The following ELMOD3 variants were observed in gnomAD, a reference collection of about 807,000 sequenced individuals.
ELMOD3 encodes the protein ELMO domain-containing protein 3.
Under a neutral mutation model 47.4 loss-of-function variants are expected in ELMOD3, and 36 were observed. The ratio of observed to expected loss-of-function variants is 0.76; its 90% CI spans 0.58 to 1.00. ELMOD3 has a LOEUF of 1.00. Among genes scored for constraint, ELMOD3 ranks in the 50% least tolerant of loss-of-function variants. The pLI, the probability that ELMOD3 is intolerant of heterozygous loss-of-function variation, is 0.00. For synonymous variants in ELMOD3, 149 were observed against 183.5 expected (o/e 0.81, Z 1.52); for missense variants, 404 against 463.8 (o/e 0.87, Z 1.18).
At chr2:85,359,464 A>G (rs1173787575) in intron 4 of ELMOD3, among the ~76,000 whole-genome samples, 1 of 148,060 alleles carries the variant, frequency 6.8e-6, no homozygotes, top group Non-Finnish European at 1.5e-5. Context: ...CTGGAGTGCA[A>G]TGACGCGATC....
In ELMOD3 at chr2:85,389,824, C is replaced by A. The variant is rs1180751091; in HGVS notation, c.812C>A (p.Ser271Tyr). The A allele has an allele frequency of 1.2e-6, 2 of 1,613,220 alleles. No individual in the cohort carries two copies. Among genetic ancestry groups the A allele is most frequent in the African/African-American group, 2.7e-5 (2 of 74,880 alleles). ...AIQALREECL[S>Y]RECNRQQKVI... ...CAGGCCTTGAGAGAGGAGTGTCTCT[C>A]CAGGTGAGTCCCCAAACACCAGCTG... is the stretch of plus-strand genomic sequence containing the variant. The change falls in exon 12 of 14, where the codon TCC (serine) becomes TAC (tyrosine). Residue 271 changes from serine (S) to tyrosine (Y), a missense_variant. Coordinates refer to ENST00000409013, the MANE Select transcript of ELMOD3 (RefSeq NM_001135022.2).
intron 6 of ELMOD3, among the ~76,000 whole-genome samples, chr2:85,367,181 C>G (rs1325426267): frequency 6.6e-6 from 1 of 152,232 alleles, no homozygotes; most frequent in African/African-American, 2.4e-5. Flanking sequence ...CCTCATGTAG[C>G]TCACTGTGGA....
At chr2:85,369,301 A>T (rs1324724552) in intron 7 of ELMOD3, among the ~76,000 whole-genome samples, 2 of 152,326 alleles carry the variant, frequency 1.3e-5, no homozygotes, top group Middle Eastern at 3.4e-3. Flanking sequence ...CTATATTGCT[A>T]ACTAATCAGT....
At chr2:85,389,284 G>A (rs1686149535) in intron 11 of ELMOD3, among the ~76,000 whole-genome samples, 1 of 152,176 alleles carries the variant, frequency 6.6e-6, no homozygotes, top group Non-Finnish European at 1.5e-5. Flanking sequence ...AGGATGAGGT[G>A]CTCACGATCA....
Position 85,371,141 on chromosome 2 carries a change from T to C in ELMOD3, c.416T>C (p.Leu139Pro). ...RTGLAALRHY[L>P]FGPPKLHQRL... ...GGGCTCGCCGCCCTCCGACACTACCTCTTCGGGCCTCCAAAGCTCCACCAG... is the reference window on the plus strand; with the variant it reads ...GGGCTCGCCGCCCTCCGACACTACCCCTTCGGGCCTCCAAAGCTCCACCAG... The change falls in exon 9 of 14, where the codon CTC becomes CCC. Residue 139 changes from leucine to proline, a missense_variant. By Grantham distance (98) the Leu-to-Pro change is moderately conservative (BLOSUM62 -3). Coordinates refer to ENST00000409013, the MANE Select transcript of ELMOD3 (RefSeq NM_001135022.2). 1 of 1,614,196 alleles carries C rather than the reference T, an allele frequency of 6.2e-7. No homozygotes were observed. Among genetic ancestry groups the C allele is most frequent in the Non-Finnish European group, 8.5e-7 (1 of 1,180,016 alleles).
intron 6 of ELMOD3, chr2:85,367,682 C>G (rs994842801): frequency 1.3e-5 from 2 of 152,012 alleles, no homozygotes; most frequent in African/African-American, 4.8e-5. Flanking sequence ...CCTGACTAGC[C>G]TTTAAAAAAA....
rs1402418146 is a variant in ELMOD3, at chr2:85,371,146, G to A, written c.421G>A (p.Gly141Arg). The change falls in exon 9 of 14, where the codon GGG becomes AGG. Residue 141 changes from glycine to arginine, a missense_variant. Gly to Arg is a moderately radical substitution (Grantham distance 125). Coordinates refer to ENST00000409013, the MANE Select transcript of ELMOD3 (RefSeq NM_001135022.2). ...GLAALRHYLF[G>R]PPKLHQRLRE... is the part of the protein sequence containing the mutation. ...CGCCGCCCTCCGACACTACCTCTTCGGGCCTCCAAAGCTCCACCAGCGCCT... is the reference window on the plus strand; with the variant it reads ...CGCCGCCCTCCGACACTACCTCTTCAGGCCTCCAAAGCTCCACCAGCGCCT... 13 of 1,614,200 alleles carry A rather than the reference G, an allele frequency of 8.1e-6. No homozygotes were observed. Among genetic ancestry groups the A allele is most frequent in the South Asian group, 2.2e-5 (2 of 91,090 alleles).
intron 13 of ELMOD3, 196 bp from the exon 14 acceptor site, chr2:85,390,562 TAG>T: frequency 6.4e-7 from 1 of 1,560,100 alleles, no homozygotes; most frequent in East Asian, 2.2e-5. Context: ...GCAGACAAGG[TAG>T]AGTGTGTGGT....
chr2:85,385,870 A>G (rs530996262), intron 11 of ELMOD3, among the ~76,000 whole-genome samples: 10 of 152,192 alleles, frequency 6.6e-5, no homozygotes, highest in East Asian at 3.9e-4. Flanking sequence ...TGGTTTGTCA[A>G]TCTCCCCTTC....
chr2:85,367,523 C>G (rs76132601), intron 6 of ELMOD3: 1 of 152,174 alleles, frequency 6.6e-6, no homozygotes, highest in African/African-American at 2.4e-5. Context: ...CCTCGAGTTA[C>G]ATGAACTTCC....
intron 6 of ELMOD3, among the ~76,000 whole-genome samples, chr2:85,366,539 C>T (rs1249355481): frequency 1.3e-5 from 2 of 152,180 alleles, no homozygotes; most frequent in East Asian, 1.9e-4. Context: ...ATAATAATAG[C>T]TTACATTTGG....
At chr2:85,382,857 A>G (rs758823816) in intron 11 of ELMOD3, among the ~76,000 whole-genome samples, 1 of 151,956 alleles carries the variant, frequency 6.6e-6, no homozygotes, top group South Asian at 2.1e-4. Flanking sequence ...CGGATGTAAT[A>G]ACCTTAATTT....
intron 11 of ELMOD3, among the ~76,000 whole-genome samples, chr2:85,378,272 T>C (rs1035072895): frequency 6.6e-6 from 1 of 152,294 alleles, no homozygotes; most frequent in Non-Finnish European, 1.5e-5. Flanking sequence ...AAGAGGAACG[T>C]CTACTTTACT....
intron 13 of ELMOD3, 150 bp from the exon 14 acceptor site, chr2:85,390,610 C>A: frequency 6.6e-7 from 1 of 1,519,358 alleles, no homozygotes; most frequent in Admixed American, 2.2e-5. Context: ...GCCTACCTCT[C>A]TGGTGATCTC....
intron 4 of ELMOD3, among the ~76,000 whole-genome samples, chr2:85,361,206 G>GT (rs58551694): frequency 6.6e-6 from 1 of 151,872 alleles, no homozygotes; most frequent in East Asian, 1.9e-4. Context: ...ATTTTGGTCG[G>GT]TTTTTTGTTT....
chr2:85,359,405 C>CTTT lies in ELMOD3; in HGVS notation c.54+2171_54+2173dup, dbSNP rs765640567. Among the ~76,000 whole-genome samples the CTTT allele has an allele frequency of 1.2e-3, 125 of 106,956 alleles. 3 individuals are homozygous for CTTT. Among genetic ancestry groups the CTTT allele is most frequent in the African/African-American group, 1.6e-3 (41 of 26,086 alleles). The allele number at this position is 106,956 out of a possible 152,430, so 70.2% of individuals were successfully genotyped here. On this transcript the variant is annotated intron_variant, in intron 4 of 13. Transcript: ENST00000409013. ...TGAAACACAGTAGTTTTACATGACT[C>CTTT]TTTTTTTTTTTTTTTTTTTTGAGAT...
Position 85,371,464 on chromosome 2 carries a change from T to C in ELMOD3, c.509T>C (p.Val170Ala). 1 of 1,614,198 alleles carries C rather than the reference T, an allele frequency of 6.2e-7. No homozygotes were observed. The highest frequency in any genetic ancestry group is 8.5e-7 in the Non-Finnish European group (1 of 1,180,040). ...GGTGGCCTGGATAGCCAAGACCCAG[T>C]GCATGGCCGAGTCCTCCAGACCATC... ...AQCGLDSQDPVHGRVLQTIYK... is the reference protein window; with the variant it reads ...AQCGLDSQDPAHGRVLQTIYK... The change falls in exon 10 of 14, where the codon GTG becomes GCG. Residue 170 changes from valine to alanine, a missense_variant. By Grantham distance (64) the Val-to-Ala change is moderately conservative. Coordinates refer to ENST00000409013, the MANE Select transcript of ELMOD3 (RefSeq NM_001135022.2).
intron 10 of ELMOD3, among the ~76,000 whole-genome samples, chr2:85,375,097 T>A (rs1019484082): frequency 6.7e-6 from 1 of 150,356 alleles, no homozygotes; most frequent in African/African-American, 2.5e-5. Context: ...AAAAAAAAAA[T>A]CTTTGCTTTG....
chr2:85,390,082 C>A (rs568639042), intron 12 of ELMOD3, 56 bp from the exon 13 acceptor site: 2 of 1,529,256 alleles, frequency 1.3e-6, no homozygotes, highest in Non-Finnish European at 1.8e-6. Context: ...CGGGAGGGAA[C>A]CTAGGTCTCA....
Sources: gnomAD v4.1 joint callset for allele counts (sites outside exome capture counted in the v4.1 genomes callset) on GRCh38, gnomAD v4.1.1 for gene constraint, MANE v1.5 for transcripts, NCBI Gene and HGNC (gene_info 2026-07-23, HGNC 2026-07-21) for gene names.